VOPP1: variants seen among roughly 807,000 people sequenced by gnomAD.
VOPP1 encodes VOPP1 WW domain binding protein.
A neutral mutation model predicts 23.5 loss-of-function variants in VOPP1; 8 were observed. That is an observed-to-expected ratio of 0.34 (90% confidence interval 0.20 to 0.61). The LOEUF is 0.61. Ranked by LOEUF, VOPP1 falls within the 20% of genes least tolerant of loss-of-function variation. The probability of loss-of-function intolerance (pLI) is 0.78; values close to 1 mark genes in which losing one functional copy is unlikely to be tolerated. For synonymous variants in VOPP1, 83 were observed against 97.3 expected (o/e 0.85, Z 0.86); for missense variants, 174 against 238.1 (o/e 0.73, Z 1.77).
chr7:55,438,653 A>C (rs563472766), intron 4 of VOPP1, among the ~76,000 whole-genome samples: 2 of 152,298 alleles, frequency 1.3e-5, no homozygotes, highest in Non-Finnish European at 2.9e-5. Flanking sequence ...CAGGCCTTGG[A>C]GAAGGCACAG....
chr7:55,539,201 C>T (rs1200856910), intron 1 of VOPP1, among the ~76,000 whole-genome samples: 2 of 151,972 alleles, frequency 1.3e-5, no homozygotes, highest in Admixed American at 6.6e-5. Context: ...AAAAATTAGC[C>T]GGGCATGGTG....
rs745493941 is a variant in VOPP1 at position 55,472,879 on chromosome 7, G to A, written c.495C>T (p.Tyr165=). Residue 165 remains tyrosine (Y), a synonymous_variant, in exon 5 of 5, where the codon TAC becomes TAT. Coordinates refer to ENST00000285279, the MANE Select transcript of VOPP1 (RefSeq NM_030796.5). The part of the protein sequence containing the change: ...PAYCNTPPPP[Y]EQVVKAK The stretch of plus-strand genomic sequence containing the variant: ...ACTACTTGGCCTTCACTACCTGTTC[G>A]TACGGGGGCGGAGGCGTGTTGCAGT... 20 of 1,418,302 alleles carry A rather than the reference G, an allele frequency of 1.4e-5. No homozygotes were observed. Among genetic ancestry groups the A allele is most frequent in the African/African-American group, 6.2e-5 (4 of 64,630 alleles). The allele number at this position is 1,418,302 out of a possible 1,614,324, so 87.9% of individuals were successfully genotyped here.
chr7:55,495,733 G>A (rs1354662809), intron 3 of VOPP1, among the ~76,000 whole-genome samples: 1 of 152,214 alleles, frequency 6.6e-6, no homozygotes, highest in Non-Finnish European at 1.5e-5. Flanking sequence ...GATGTTGATT[G>A]AGAGAGAAAA....
intron 4 of VOPP1, among the ~76,000 whole-genome samples, chr7:55,464,899 TCAGGG>T (rs1162205893): frequency 1.3e-5 from 2 of 152,210 alleles, no homozygotes; most frequent in East Asian, 3.8e-4. Context: ...TAGACTAGTC[TCAGGG>T]CCCACAAGGG....
chr7:55,541,624 T>G (rs764542178), intron 1 of VOPP1, among the ~76,000 whole-genome samples: 1 of 152,132 alleles, frequency 6.6e-6, no homozygotes, highest in African/African-American at 2.4e-5. Context: ...CCAAGAGAAA[T>G]GAAAACATAT....
chr7:55,436,490 C>T (rs371180484), intron 4 of VOPP1, among the ~76,000 whole-genome samples: 11 of 152,284 alleles, frequency 7.2e-5, no homozygotes, highest in African/African-American at 2.6e-4. Flanking sequence ...CACTCACCTG[C>T]CTGCATCGTG....
At chr7:55,532,910 C>T (rs1256625237) in intron 1 of VOPP1, among the ~76,000 whole-genome samples, 1 of 152,134 alleles carries the variant, frequency 6.6e-6, no homozygotes, top group Non-Finnish European at 1.5e-5. Context: ...GCTTAGAAGA[C>T]TTTCTATTTC....
chr7:55,474,990 T>C (rs1792122612), intron 4 of VOPP1, among the ~76,000 whole-genome samples: 1 of 152,170 alleles, frequency 6.6e-6, no homozygotes, highest in Admixed American at 6.5e-5. Flanking sequence ...AGCCTTGGGG[T>C]TCCCGTGCTC....
chr7:55,461,166 G>C (rs554298223), intron 4 of VOPP1, among the ~76,000 whole-genome samples: 2 of 152,082 alleles, frequency 1.3e-5, no homozygotes, highest in African/African-American at 2.4e-5. Context: ...GTTCTCACTC[G>C]TAAGTGGGAG....
chr7:55,525,845 A>G (rs962969287), intron 1 of VOPP1, among the ~76,000 whole-genome samples: 1 of 152,074 alleles, frequency 6.6e-6, no homozygotes, highest in Non-Finnish European at 1.5e-5. Flanking sequence ...CTAAGGGGGA[A>G]AAAAGTGAAT....
chr7:55,524,113 C>G (rs936362597), intron 1 of VOPP1, among the ~76,000 whole-genome samples: 3 of 152,188 alleles, frequency 2.0e-5, no homozygotes, highest in Non-Finnish European at 4.4e-5. Flanking sequence ...TCCTGGGGCC[C>G]TCCCAGGTGA....
At chr7:55,454,873 C>G (rs1031192463) in intron 4 of VOPP1, among the ~76,000 whole-genome samples, 8 of 152,172 alleles carry the variant, frequency 5.3e-5, no homozygotes, top group Admixed American at 2.0e-4. Flanking sequence ...GGAAGCATTT[C>G]CCTTGAAAAC....
chr7:55,501,907 G>A (rs1248948220), intron 2 of VOPP1, among the ~76,000 whole-genome samples: 1 of 152,168 alleles, frequency 6.6e-6, no homozygotes, highest in Non-Finnish European at 1.5e-5. Context: ...ACTCCAGACT[G>A]TAACAGCTCT....
intron 1 of VOPP1, among the ~76,000 whole-genome samples, chr7:55,525,361 C>T (rs529076104): frequency 2.0e-5 from 3 of 152,068 alleles, no homozygotes; most frequent in Admixed American, 1.3e-4. Context: ...TGGTGGTGGG[C>T]GCCTGTAGTC....
intron 4 of VOPP1, among the ~76,000 whole-genome samples, chr7:55,482,342 G>A (rs1792785026): frequency 8.2e-6 from 1 of 121,996 alleles, no homozygotes; most frequent in South Asian, 2.8e-4. Flanking sequence ...AGGAAGAAGG[G>A]AGGTATTTTT....
intron 1 of VOPP1, among the ~76,000 whole-genome samples, chr7:55,556,643 C>CG (rs879326969): frequency 5.3e-5 from 8 of 151,314 alleles, no homozygotes; most frequent in Non-Finnish European, 8.9e-5. Context: ...GGAACCCCCC[C>CG]CCAAAACACT....
At chr7:55,467,151 G>C (rs1488714068), downstream of VOPP1, among the ~76,000 whole-genome samples, 1 of 152,210 alleles carries the variant, frequency 6.6e-6, no homozygotes, top group African/African-American at 2.4e-5. Flanking sequence ...ACGCTTGCTT[G>C]CCACTCACCA....
downstream of VOPP1, among the ~76,000 whole-genome samples, chr7:55,467,221 G>A (rs1401010983): frequency 6.6e-6 from 1 of 152,240 alleles, no homozygotes; most frequent in Non-Finnish European, 1.5e-5. Context: ...CAGCCTGAGG[G>A]TTGAGAACCC....
At chr7:55,559,909 C>T (rs1328527977) in intron 1 of VOPP1, among the ~76,000 whole-genome samples, 4 of 152,286 alleles carry the variant, frequency 2.6e-5, no homozygotes, top group East Asian at 1.9e-4. Flanking sequence ...ATCCCAGCAC[C>T]GCACGAGGCC....
Sources: gnomAD v4.1 joint callset for allele counts (sites outside exome capture counted in the v4.1 genomes callset) on GRCh38, gnomAD v4.1.1 for gene constraint, MANE v1.5 for transcripts, NCBI Gene and HGNC (gene_info 2026-07-23, HGNC 2026-07-21) for gene names.